The following ATRN variants were observed in gnomAD, a reference collection of about 807,000 sequenced individuals.
ATRN encodes attractin-2.
In ATRN, 54 loss-of-function variants were observed where a neutral mutation model predicts 178.7. The ratio of observed to expected loss-of-function variants is 0.30; its 90% CI spans 0.24 to 0.38. The LOEUF is 0.38. Ranked by LOEUF, ATRN falls within the 10% of genes least tolerant of loss-of-function variation. ATRN has a pLI of 1.00. For synonymous variants in ATRN, 636 were observed against 663.0 expected, an observed-to-expected ratio of 0.96 and a Z score of 0.63; for missense variants, 1,443 against 1,815.1, an observed-to-expected ratio of 0.79 and a Z score of 3.73.
Position 3,560,762 on chromosome 20 carries a change from C to A in ATRN, c.1304C>A (p.Thr435Asn), listed in dbSNP as rs2085940038. 2 of 1,614,040 alleles carry A rather than the reference C, an allele frequency of 1.2e-6. No homozygotes were observed. ...HIHNESWVLL[T>N]PKAKEQYAVV... is the part of the protein sequence containing the mutation. ...CATAATGAGTCATGGGTGTTGTTGA[C>A]CCCTAAGGCAAAGGAGCAGTATGCA... The change falls in exon 8 of 29, where the codon ACC becomes AAC. Residue 435 changes from threonine (T) to asparagine (N), a missense_variant. Physicochemically the swap from Thr to Asn is moderately conservative, Grantham distance 65 (BLOSUM62 0). Coordinates refer to ENST00000262919, the MANE Select transcript of ATRN (RefSeq NM_139321.3).
chr20:3,649,686 T>G lies in ATRN; in HGVS notation c.*2839T>G, dbSNP rs955166686. Reference sequence around the variant, plus strand: ...CATCATGACCCTTTCTGGCAGCCTCTTGGTGCTCTGGGTAGTGAGGGATGA... The same window carrying G: ...CATCATGACCCTTTCTGGCAGCCTCGTGGTGCTCTGGGTAGTGAGGGATGA... On this transcript the variant is annotated 3_prime_UTR_variant, in exon 29 of 29. Transcript: ENST00000262919. 2.0e-5 allele frequency: 3 copies of G among 152,224 alleles called. No individual in the cohort carries two copies. The highest frequency in any genetic ancestry group is 4.4e-5 in the Non-Finnish European group (3 of 68,050). 9.4% of individuals were successfully genotyped at this position (152,224 alleles called of 1,614,324 possible). A position where few individuals can be genotyped will look rare whatever the true frequency, so the allele number is the denominator to read the frequency against.
intron 6 of ATRN, among the ~76,000 whole-genome samples, chr20:3,556,684 C>T (rs1203804956): frequency 6.6e-6 from 1 of 152,200 alleles, no homozygotes; most frequent in Non-Finnish European, 1.5e-5. Context: ...TTGGATTCAG[C>T]TCCCAGAAGG....
chr20:3,504,716 A>G (rs1385156840), intron 1 of ATRN, among the ~76,000 whole-genome samples: 1 of 138,250 alleles, frequency 7.2e-6, no homozygotes, highest in Non-Finnish European at 1.5e-5. Flanking sequence ...AATAATAATA[A>G]TAATAATAAT....
intron 1 of ATRN, among the ~76,000 whole-genome samples, chr20:3,512,107 A>ATATATATATTTTTTTT: frequency 2.8e-5 from 3 of 106,392 alleles, no homozygotes; most frequent in African/African-American, 1.3e-4. Context: ...ATATATATAT[A>ATATATATATTTTTTTT]TTTTTTTTTT....
chr20:3,562,321 A>AAGG lies in ATRN; in HGVS notation c.1494_1496dup (p.Gly500dup). 1 of 1,614,070 alleles carries AAGG rather than the reference A, an allele frequency of 6.2e-7. No homozygotes were observed. The highest frequency in any genetic ancestry group is 1.1e-5 in the South Asian group (1 of 91,078). On this transcript the variant is annotated inframe_insertion, in exon 9 of 29. Coordinates refer to ENST00000262919, the MANE Select transcript of ATRN (RefSeq NM_139321.3). The stretch of plus-strand genomic sequence containing the variant: ...TTACACACCCAGGGTGCCCTTGTGC[A>AAGG]AGGGGGTTACGGCCATAGCAGTGTT...
intron 6 of ATRN, among the ~76,000 whole-genome samples, chr20:3,554,137 ATTGT>A (rs1241336690): frequency 6.6e-6 from 1 of 152,030 alleles, no homozygotes; most frequent in Non-Finnish European, 1.5e-5. Context: ...CATGAGCCAC[ATTGT>A]TTTTTAGATC....
chr20:3,630,964 T>TTTTTTTTTTTTTTTTTTTTTTTTTTTG lies in ATRN; in HGVS notation c.3864-3347_3864-3346insTTTTTTTTTTTTTTTTTTTTTTTTTTG, dbSNP rs1307722255. ...TTTTTTTTTTTTTTTTTTTTTTTTT[T>TTTTTTTTTTTTTTTTTTTTTTTTTTTG]GGGATAGGGTCTCTGTTGCCCAGGC... is the stretch of plus-strand genomic sequence containing the variant. On this transcript the variant is annotated intron_variant, in intron 25 of 28. Transcript: ENST00000262919. Among the ~76,000 whole-genome samples, 2 of 73,430 alleles carry TTTTTTTTTTTTTTTTTTTTTTTTTTTG rather than the reference T, an allele frequency of 2.7e-5. 1 individual carries two copies. Among genetic ancestry groups the TTTTTTTTTTTTTTTTTTTTTTTTTTTG allele is most frequent in the Non-Finnish European group, 5.0e-5 (2 of 39,838 alleles). The allele number at this position is 73,430 out of a possible 152,430, so 48.2% of individuals were successfully genotyped here.
At chr20:3,512,109 T>TA (rs1376194007) in intron 1 of ATRN, among the ~76,000 whole-genome samples, 11,185 of 98,710 alleles carry the variant, frequency 0.11, 607 homozygotes, top group Non-Finnish European at 0.17. Flanking sequence ...ATATATATAT[T>TA]TTTTTTTTTT....
At position 3,499,806 on chromosome 20, in the gene ATRN, A is replaced by G. The variant is rs547852503; in HGVS notation, c.410+28289A>G. Among the ~76,000 whole-genome samples the G allele has an allele frequency of 6.0e-5, 9 of 150,412 alleles. No homozygotes were observed. The East Asian group carries it at 1.4e-3, about 23-fold the overall frequency. ...CTTCATCTCTAAAACACCAAAAGCA[A>G]TGGCAACAAAAGCCAGAATTGACAA... On this transcript the variant is annotated intron_variant, in intron 1 of 28. Transcript: ENST00000262919.
intron 3 of ATRN, among the ~76,000 whole-genome samples, chr20:3,541,720 T>TGA (rs2085625114): frequency 6.6e-6 from 1 of 152,200 alleles, no homozygotes; most frequent in Non-Finnish European, 1.5e-5. Context: ...CCATATGTCA[T>TGA]TATGTGGTGT....
rs555994764 is a variant in ATRN, at chr20:3,565,209, A to T, written c.1787-139A>T. 11 of 649,290 alleles carry T rather than the reference A, an allele frequency of 1.7e-5. No individual in the cohort carries two copies. The African/African-American group carries it at 1.8e-4, about 11-fold the overall frequency. The allele number at this position is 649,290 out of a possible 1,614,324, so 40.2% of individuals were successfully genotyped here. ...CTGCTGCTGCTTCATTTTAACCCAGAAATGATGTTGTAACTGAGAAAATTG... is the reference window on the plus strand; with the variant it reads ...CTGCTGCTGCTTCATTTTAACCCAGTAATGATGTTGTAACTGAGAAAATTG... On this transcript the variant is annotated intron_variant, in intron 10 of 28. Transcript: ENST00000262919.
intron 3 of ATRN, among the ~76,000 whole-genome samples, chr20:3,545,186 A>G (rs1414893191): frequency 3.3e-5 from 5 of 151,930 alleles, no homozygotes; most frequent in African/African-American, 1.2e-4. Flanking sequence ...GGCCTACATG[A>G]TGAAATGCTG....
intron 1 of ATRN, among the ~76,000 whole-genome samples, chr20:3,519,005 A>C (rs899378223): frequency 7.2e-6 from 1 of 139,282 alleles, no homozygotes; most frequent in Non-Finnish European, 1.6e-5. Context: ...ATCCTTATAT[A>C]TAAAAAAAAA....
chr20:3,480,984 C>T (rs372910683), intron 1 of ATRN, among the ~76,000 whole-genome samples: 2 of 152,194 alleles, frequency 1.3e-5, no homozygotes, highest in East Asian at 1.9e-4. Context: ...TGGAAATTGG[C>T]CATTAACTTA....
At chr20:3,639,335 A>G (rs1350085406) in intron 27 of ATRN, among the ~76,000 whole-genome samples, 2 of 152,010 alleles carry the variant, frequency 1.3e-5, no homozygotes, top group Admixed American at 1.3e-4. Context: ...GCTCACTGCA[A>G]TCTACCTCCC....
chr20:3,498,105 A>G (rs2146102086), intron 1 of ATRN, among the ~76,000 whole-genome samples: 1 of 152,336 alleles, frequency 6.6e-6, no homozygotes, highest in Admixed American at 6.5e-5. Flanking sequence ...ATTCCTCGAC[A>G]CATACACCCT....
At chr20:3,509,497 ATT>A (rs34739669) in intron 1 of ATRN, among the ~76,000 whole-genome samples, 38 of 143,688 alleles carry the variant, frequency 2.6e-4, no homozygotes, top group African/African-American at 6.4e-4. Context: ...CATGTTAACA[ATT>A]TTTTTTTTTT....
rs140797454 is a variant in ATRN, at chr20:3,645,092, C to T, written c.4165+824C>T. 3.3e-5 allele frequency among the ~76,000 whole-genome samples: 5 copies of T among 152,204 alleles called. 1 individual carries two copies. In the South Asian group the frequency reaches 6.2e-4, roughly 19 times the overall value. On this transcript the variant is annotated intron_variant, in intron 28 of 28. Coordinates refer to ENST00000262919, the MANE Select transcript of ATRN (RefSeq NM_139321.3). This position sits in a 1 kb window ranked among gnomAD's most constrained non-coding sequence, Gnocchi z 4.7. ...GTTTTGAAAGTATCTCGCTTAATTA[C>T]AGAGTGCTTTGGAGGATGCCTCAAT...
intron 1 of ATRN, among the ~76,000 whole-genome samples, chr20:3,505,445 T>C (rs1439258592): frequency 6.6e-6 from 1 of 152,230 alleles, no homozygotes; most frequent in African/African-American, 2.4e-5. Context: ...AGATAGCCTG[T>C]CGTGGGACTT....
Sources: gnomAD v4.1 joint callset for allele counts (sites outside exome capture counted in the v4.1 genomes callset) on GRCh38, gnomAD v4.1.1 for gene constraint, Gnocchi (gnomAD v3.1) non-coding constraint, MANE v1.5 for transcripts, NCBI Gene and HGNC (gene_info 2026-07-23, HGNC 2026-07-21) for gene names.